STPG2: variants seen among roughly 807,000 people sequenced by gnomAD.
The protein encoded by STPG2 is sperm-tail PG-rich repeat-containing protein 2.
A neutral mutation model predicts 54.2 loss-of-function variants in STPG2; 56 were observed. The observed-to-expected ratio is 1.03, with a 90% CI of 0.83 to 1.29. The LOEUF is 1.29. Ranked by LOEUF, STPG2 falls within the 50% of genes most tolerant of loss-of-function variation. The pLI is 0.00. For missense variants in STPG2, 596 were observed against 544.9 expected, an observed-to-expected ratio of 1.09 and a Z score of -0.93; for synonymous variants, 200 against 181.8, an observed-to-expected ratio of 1.10 and a Z score of -0.81.
chr4:97,518,574 G>A (rs1194484342), intron 4 of STPG2, among the ~76,000 whole-genome samples: 1 of 151,874 alleles, frequency 6.6e-6, no homozygotes, highest in Non-Finnish European at 1.5e-5. Context: ...ATCTTTGGTG[G>A]GAAGATAGAC....
At chr4:97,842,230 C>A (rs566808360) in intron 8 of STPG2, among the ~76,000 whole-genome samples, 1 of 151,816 alleles carries the variant, frequency 6.6e-6, no homozygotes, top group African/African-American at 2.4e-5. Context: ...GGTTTGAGTC[C>A]CATGTTAAAC....
At chr4:97,991,430 A>AGT (rs150498433) in intron 5 of STPG2, among the ~76,000 whole-genome samples, 24,581 of 141,002 alleles carry the variant, frequency 0.17, 2,326 homozygotes, top group African/African-American at 0.25. Context: ...AATACTACTC[A>AGT]GTGTGTGTGT....
chr4:97,597,419 T>A (rs897247494), intron 10 of STPG2, among the ~76,000 whole-genome samples: 2 of 152,084 alleles, frequency 1.3e-5, no homozygotes, highest in Admixed American at 6.5e-5. Flanking sequence ...GAAGCCAGCA[T>A]CATCCTGATA....
chr4:97,757,919 A>G (rs1308610923), intron 9 of STPG2, among the ~76,000 whole-genome samples: 2 of 152,214 alleles, frequency 1.3e-5, no homozygotes, highest in South Asian at 4.1e-4. Flanking sequence ...GCCACCTACA[A>G]TGAATGAAAT....
intron 5 of STPG2, among the ~76,000 whole-genome samples, chr4:98,094,014 A>G (rs776924802): frequency 1.7e-4 from 26 of 152,300 alleles, no homozygotes; most frequent in Non-Finnish European, 3.2e-4. Context: ...AATTCATAGT[A>G]GTAGACTGGG....
At chr4:98,099,738 A>G (rs985231881) in intron 5 of STPG2, among the ~76,000 whole-genome samples, 2 of 152,136 alleles carry the variant, frequency 1.3e-5, no homozygotes, top group African/African-American at 4.8e-5. Context: ...TACCCCATAA[A>G]AATATATATA....
chr4:97,488,388 C>A (rs1040708438), intron 4 of STPG2, among the ~76,000 whole-genome samples: 1 of 151,666 alleles, frequency 6.6e-6, no homozygotes, highest in Non-Finnish European at 1.5e-5. Context: ...AACTGAGGAA[C>A]AGAAAGATTA....
chr4:97,711,773 G>A (rs1052261871), intron 10 of STPG2, among the ~76,000 whole-genome samples: 10 of 150,634 alleles, frequency 6.6e-5, no homozygotes, highest in African/African-American at 2.0e-4. Flanking sequence ...AGATCCAAGC[G>A]ATTCTCCTGC....
At chr4:97,910,761 G>A (rs1731647529) in intron 8 of STPG2, among the ~76,000 whole-genome samples, 1 of 152,172 alleles carries the variant, frequency 6.6e-6, no homozygotes. Flanking sequence ...TGGAACAAAT[G>A]CTAGAAGTAT....
intron 9 of STPG2, among the ~76,000 whole-genome samples, chr4:97,782,544 C>T (rs77789989): frequency 6.6e-6 from 1 of 152,176 alleles, no homozygotes; most frequent in East Asian, 1.9e-4. Context: ...CATCAAGCTA[C>T]CAATGACTTT....
At chr4:97,660,632 C>T (rs534411081) in intron 10 of STPG2, among the ~76,000 whole-genome samples, 5 of 152,186 alleles carry the variant, frequency 3.3e-5, no homozygotes, top group South Asian at 4.1e-4. Flanking sequence ...TCAATTCACA[C>T]GCAAGGCAAG....
At chr4:98,107,877 A>G (rs1447893910) in intron 4 of STPG2, among the ~76,000 whole-genome samples, 2 of 152,224 alleles carry the variant, frequency 1.3e-5, no homozygotes, top group East Asian at 3.9e-4. Context: ...GAAGACTATG[A>G]TATGTGTTAG....
At chr4:97,745,330 A>C (rs1725391610) in intron 9 of STPG2, among the ~76,000 whole-genome samples, 1 of 150,870 alleles carries the variant, frequency 6.6e-6, no homozygotes, top group South Asian at 2.1e-4. Flanking sequence ...AATCAATAAA[A>C]AGCAATTATG....
At chr4:97,762,378 G>A (rs779662352) in intron 9 of STPG2, among the ~76,000 whole-genome samples, 14 of 152,148 alleles carry the variant, frequency 9.2e-5, no homozygotes, top group Non-Finnish European at 5.9e-5. Flanking sequence ...ATTAGACTCA[G>A]ACCTGTTCTG....
At chr4:97,731,789 A>T (rs1229167842) in intron 9 of STPG2, among the ~76,000 whole-genome samples, 4 of 152,164 alleles carry the variant, frequency 2.6e-5, no homozygotes, top group Non-Finnish European at 5.9e-5. Flanking sequence ...CTCCTTCCCC[A>T]CTTAAGCTGC....
Position 98,116,207 on chromosome 4 carries a change from G to A in STPG2, c.388-6902C>T, listed in dbSNP as rs570715818. Among the ~76,000 whole-genome samples, 66 of 151,544 alleles carry A rather than the reference G, an allele frequency of 4.4e-4. 1 individual carries two copies. In the South Asian group the frequency reaches 0.014, roughly 32 times the overall value. Reference sequence around the variant, plus strand: ...GATTTTATACATGCAGGGAAGCTTGGAGGCATCATTGTGGCCTTCTAATAG... The same window carrying A: ...GATTTTATACATGCAGGGAAGCTTGAAGGCATCATTGTGGCCTTCTAATAG... On this transcript the variant is annotated intron_variant, in intron 3 of 10. Transcript: ENST00000295268.
At chr4:97,523,888 T>C (rs746240401) in intron 4 of STPG2, among the ~76,000 whole-genome samples, 12 of 152,096 alleles carry the variant, frequency 7.9e-5, no homozygotes, top group Non-Finnish European at 1.6e-4. Context: ...CATAGGACTT[T>C]CAGTAAAGTG....
chr4:98,020,162 G>A (rs1440163451), intron 5 of STPG2, among the ~76,000 whole-genome samples: 5 of 131,900 alleles, frequency 3.8e-5, no homozygotes, highest in Non-Finnish European at 8.3e-5. Flanking sequence ...GTTTGTCATA[G>A]ATAGCTCTTA....
At chr4:97,941,948 G>C (rs114933863) in intron 8 of STPG2, among the ~76,000 whole-genome samples, 2,413 of 151,936 alleles carry the variant, frequency 0.016, 22 homozygotes, top group Non-Finnish European at 0.024. Context: ...AATGTTTCAT[G>C]TCAGAAAAGA....
Sources: gnomAD v4.1 joint callset for allele counts (sites outside exome capture counted in the v4.1 genomes callset) on GRCh38, gnomAD v4.1.1 for gene constraint, MANE v1.5 for transcripts, NCBI Gene and HGNC (gene_info 2026-07-23, HGNC 2026-07-21) for gene names.